FOXN3: variants seen among roughly 807,000 people sequenced by gnomAD.
FOXN3 encodes the protein forkhead box N3.
A neutral mutation model predicts 38.4 loss-of-function variants in FOXN3; 7 were observed. The observed-to-expected ratio is 0.18, with a 90% confidence interval of 0.10 to 0.34. The LOEUF is 0.34. FOXN3 is among the 10% of genes least tolerant of loss of function. FOXN3 has a pLI of 1.00. For synonymous variants in FOXN3, 230 were observed against 242.2 expected (o/e 0.95, Z 0.47); for missense variants, 456 against 613.4 (o/e 0.74, Z 2.71).
At chr14:89,488,336 C>T (rs1242058856) in intron 1 of FOXN3, among the ~76,000 whole-genome samples, 2 of 151,876 alleles carry the variant, frequency 1.3e-5, no homozygotes, top group Non-Finnish European at 2.9e-5. Context: ...CGAGCAGGCA[C>T]CAGTGGCTGA....
chr14:89,489,624 C>G (rs527885494), intron 1 of FOXN3, among the ~76,000 whole-genome samples: 1 of 152,176 alleles, frequency 6.6e-6, no homozygotes, highest in Non-Finnish European at 1.5e-5. Context: ...CCGACATATA[C>G]GATGGCAATA....
At chr14:89,374,563 T>C (rs1890416408) in intron 2 of FOXN3, among the ~76,000 whole-genome samples, 1 of 152,162 alleles carries the variant, frequency 6.6e-6, no homozygotes, top group South Asian at 2.1e-4. Flanking sequence ...AATTATGGTA[T>C]GTTCATAAAA....
chr14:89,189,882 G>A (rs1447339628), intron 4 of FOXN3, among the ~76,000 whole-genome samples: 1 of 152,194 alleles, frequency 6.6e-6, no homozygotes, highest in Non-Finnish European at 1.5e-5. Flanking sequence ...AGCTGGTAGC[G>A]TGGTTTCATT....
chr14:89,489,561 A>T (rs1181432263), intron 1 of FOXN3, among the ~76,000 whole-genome samples: 3 of 152,218 alleles, frequency 2.0e-5, no homozygotes, highest in Non-Finnish European at 4.4e-5. Context: ...ACAATAGAGC[A>T]TCTAGTTATG....
intron 1 of FOXN3, among the ~76,000 whole-genome samples, chr14:89,510,094 G>T (rs763242152): frequency 3.3e-5 from 5 of 152,172 alleles, no homozygotes; most frequent in African/African-American, 2.4e-5. Context: ...CTCCTCCTGG[G>T]AGAGGCCTCT....
intron 3 of FOXN3, among the ~76,000 whole-genome samples, chr14:89,336,272 C>A (rs1888459951): frequency 1.5e-5 from 1 of 68,714 alleles, no homozygotes; most frequent in South Asian, 4.5e-4. Flanking sequence ...ACAGAATCCT[C>A]TCTGCTTCCT....
At chr14:89,332,529 G>A (rs926170855) in intron 3 of FOXN3, among the ~76,000 whole-genome samples, 1 of 151,978 alleles carries the variant, frequency 6.6e-6, no homozygotes, top group African/African-American at 2.4e-5. Context: ...TTGTTAAAAC[G>A]AAATTTTCCA....
At chr14:89,200,526 G>A (rs992071618) in intron 4 of FOXN3, among the ~76,000 whole-genome samples, 3 of 152,280 alleles carry the variant, frequency 2.0e-5, no homozygotes, top group Non-Finnish European at 2.9e-5. Flanking sequence ...CCTCAGAGTC[G>A]ATCACTGTCC....
chr14:89,297,168 A>G (rs529922950), intron 3 of FOXN3, among the ~76,000 whole-genome samples: 2 of 152,286 alleles, frequency 1.3e-5, no homozygotes, highest in East Asian at 3.9e-4. Context: ...AAGTAACTAT[A>G]TAAGACATTA....
At chr14:89,479,674 T>C (rs1039991932) in intron 1 of FOXN3, among the ~76,000 whole-genome samples, 1 of 152,208 alleles carries the variant, frequency 6.6e-6, no homozygotes, top group East Asian at 1.9e-4. Flanking sequence ...CAAATACTTT[T>C]TGAAAAACAT....
At chr14:89,425,709 GT>G (rs1317563239) in intron 1 of FOXN3, among the ~76,000 whole-genome samples, 1 of 152,146 alleles carries the variant, frequency 6.6e-6, no homozygotes, top group Non-Finnish European at 1.5e-5. Flanking sequence ...TCTATAAAGT[GT>G]CACAAACACT....
chr14:89,603,859 A>G (rs938899095), intron 1 of FOXN3, among the ~76,000 whole-genome samples: 1 of 152,178 alleles, frequency 6.6e-6, no homozygotes, highest in Non-Finnish European at 1.5e-5. Flanking sequence ...AAACTTGGTG[A>G]CATTTACAAA....
At chr14:89,203,283 A>G (rs538852076) in intron 4 of FOXN3, among the ~76,000 whole-genome samples, 1 of 152,286 alleles carries the variant, frequency 6.6e-6, no homozygotes, top group East Asian at 1.9e-4. Flanking sequence ...TTGACTCTTT[A>G]TGCCTGCACC....
Position 89,548,596 on chromosome 14 carries a change from TGTA to T in FOXN3, c.-15+70429_-15+70431del, listed in dbSNP as rs1171666370. On this transcript the variant is annotated intron_variant, in intron 1 of 6. Transcript: ENST00000345097. The surrounding 1 kb of genome is among the most constrained non-coding windows in gnomAD (Gnocchi z 4.8). ...TACACTAACTAATCGTATGGGATAA[TGTA>T]TGTAAAAGTATTCTATAATTAGAAC... is the stretch of plus-strand genomic sequence containing the variant. Among the ~76,000 whole-genome samples the T allele has an allele frequency of 6.6e-6, 1 of 152,228 alleles. No individual in the cohort carries two copies. The highest frequency in any genetic ancestry group is 1.5e-5 in the Non-Finnish European group (1 of 68,040).
intron 3 of FOXN3, among the ~76,000 whole-genome samples, chr14:89,320,736 G>A (rs748151138): frequency 6.6e-6 from 1 of 152,188 alleles, no homozygotes; most frequent in Non-Finnish European, 1.5e-5. Flanking sequence ...CATGAGGAAG[G>A]AGAAGCTAAC....
chr14:89,536,600 T>A (rs1364757310), intron 1 of FOXN3, among the ~76,000 whole-genome samples: 1 of 152,094 alleles, frequency 6.6e-6, no homozygotes, highest in African/African-American at 2.4e-5. Flanking sequence ...ACCAACATGA[T>A]GAAACCCCCG....
intron 1 of FOXN3, among the ~76,000 whole-genome samples, chr14:89,459,360 A>T (rs138882011): frequency 6.6e-6 from 1 of 152,192 alleles, no homozygotes; most frequent in Non-Finnish European, 1.5e-5. Context: ...AGCCCTTTTA[A>T]TCAGAGTGAA....
At chr14:89,610,524 G>C (rs1477838218) in intron 1 of FOXN3, among the ~76,000 whole-genome samples, 1 of 152,152 alleles carries the variant, frequency 6.6e-6, no homozygotes, top group African/African-American at 2.4e-5. Flanking sequence ...GGTCTCCCAA[G>C]AAAACCATCC....
At chr14:89,205,950 T>C (rs1411456593) in intron 4 of FOXN3, among the ~76,000 whole-genome samples, 1 of 152,154 alleles carries the variant, frequency 6.6e-6, no homozygotes, top group Non-Finnish European at 1.5e-5. Flanking sequence ...CCCGTTTCAA[T>C]GAATGGGATG....
Sources: gnomAD v4.1 joint callset for allele counts (sites outside exome capture counted in the v4.1 genomes callset) on GRCh38, gnomAD v4.1.1 for gene constraint, Gnocchi (gnomAD v3.1) non-coding constraint, MANE v1.5 for transcripts, NCBI Gene and HGNC (gene_info 2026-07-23, HGNC 2026-07-21) for gene names.